The following ZSCAN5A variants were observed in gnomAD, a reference collection of about 807,000 sequenced individuals.
ZSCAN5A encodes the protein zinc finger and SCAN domain containing 5A, also known as zinc finger and SCAN domain-containing protein 5A.
ZSCAN5A carries 12 observed loss-of-function variants against 23.7 expected under a neutral mutation model. The ratio of observed to expected loss-of-function variants is 0.51; its 90% CI spans 0.32 to 0.82. The LOEUF is 0.82. ZSCAN5A is among the 40% of genes least tolerant of loss of function. The pLI, the probability that ZSCAN5A is intolerant of heterozygous loss-of-function variation, is 0.03. For synonymous variants in ZSCAN5A, 257 were observed against 239.9 expected (o/e 1.07, Z -0.66); for missense variants, 597 against 617.9 (o/e 0.97, Z 0.36).
At chr19:56,338,548 T>C (rs896701378) in intron 2 of ZSCAN5A, 3 of 152,200 alleles carry the variant, frequency 2.0e-5, no homozygotes, top group African/African-American at 7.2e-5. Context: ...CGGGTTACTT[T>C]CCAGGAAGAC....
At chr19:56,360,150 G>A (rs2041725785) in intron 2 of ZSCAN5A, among the ~76,000 whole-genome samples, 1 of 152,208 alleles carries the variant, frequency 6.6e-6, no homozygotes, top group Non-Finnish European at 1.5e-5. Flanking sequence ...GTTTGCAGAT[G>A]ACATGATGCT....
chr19:56,313,599 T>C (rs1348430479), intron 1 of ZSCAN5A, among the ~76,000 whole-genome samples: 1 of 152,236 alleles, frequency 6.6e-6, no homozygotes, highest in African/African-American at 2.4e-5. Flanking sequence ...TATTTTATTT[T>C]GGTGGAACCC....
At position 56,321,461 on chromosome 19, in the gene ZSCAN5A, C is replaced by A. The variant is rs181477040; in HGVS notation, c.-357-5193G>T. The A allele has an allele frequency of 1.3e-4, 88 of 685,730 alleles. No individual in the cohort carries two copies. In the East Asian group the frequency reaches 1.8e-3, roughly 14 times the overall value. The allele number at this position is 685,730 out of a possible 1,614,324, so 42.5% of individuals were successfully genotyped here. On this transcript the variant is annotated intron_variant, in intron 2 of 6. Transcript: ENST00000587340. ...CCAACGGCATTGATAACACACTTGGCTTTCATGTCAAATTCCTGCCCTGTG... is the reference window on the plus strand; with the variant it reads ...CCAACGGCATTGATAACACACTTGGATTTCATGTCAAATTCCTGCCCTGTG...
At chr19:56,330,819 A>G (rs896629038) in intron 2 of ZSCAN5A, among the ~76,000 whole-genome samples, 1 of 150,804 alleles carries the variant, frequency 6.6e-6, no homozygotes, top group Non-Finnish European at 1.5e-5. Flanking sequence ...GTGTAATTAG[A>G]TCCAATTTGT....
intron 2 of ZSCAN5A, among the ~76,000 whole-genome samples, chr19:56,258,362 G>C (rs2146825378): frequency 6.6e-6 from 1 of 152,282 alleles, no homozygotes; most frequent in South Asian, 2.1e-4. Flanking sequence ...CCTTGTCCTT[G>C]AAGGTCTCAC....
At chr19:56,345,869 A>G (rs1291609309) in intron 2 of ZSCAN5A, among the ~76,000 whole-genome samples, 1 of 152,238 alleles carries the variant, frequency 6.6e-6, no homozygotes, top group East Asian at 1.9e-4. Context: ...CTTTGTTGTG[A>G]TAACTATTTT....
At chr19:56,331,822 G>C (rs969844582) in intron 2 of ZSCAN5A, among the ~76,000 whole-genome samples, 1 of 151,982 alleles carries the variant, frequency 6.6e-6, no homozygotes, top group South Asian at 2.1e-4. Flanking sequence ...CTGACCTCAG[G>C]TGGTCCACCC....
Position 56,330,782 on chromosome 19 carries a change from G to A in ZSCAN5A, c.-357-14514C>T, listed in dbSNP as rs569170149. 3.0e-4 allele frequency among the ~76,000 whole-genome samples: 45 copies of A among 152,154 alleles called. 2 individuals carry two copies. In the South Asian group the frequency reaches 8.9e-3, roughly 30 times the overall value. ...TTTTCTCCCATTCTATAGGTGGTCT[G>A]TTACTCTGTTATTAGTTTCGTTTGC... On this transcript the variant is annotated intron_variant, in intron 2 of 6. Transcript: ENST00000587340.
At chr19:56,250,022 G>A (rs1173767353) in intron 2 of ZSCAN5A, among the ~76,000 whole-genome samples, 3 of 152,100 alleles carry the variant, frequency 2.0e-5, no homozygotes, top group African/African-American at 7.2e-5. Context: ...GTGACACCTC[G>A]GTTCTTGTCT....
At chr19:56,300,414 G>T (rs886196449) in intron 2 of ZSCAN5A, among the ~76,000 whole-genome samples, 2 of 152,162 alleles carry the variant, frequency 1.3e-5, no homozygotes, top group African/African-American at 4.8e-5. Context: ...CTTAATCCAA[G>T]GGAAAAATAA....
intron 2 of ZSCAN5A, among the ~76,000 whole-genome samples, chr19:56,333,238 T>C (rs1207006544): frequency 1.3e-5 from 2 of 152,150 alleles, no homozygotes; most frequent in Non-Finnish European, 2.9e-5. Context: ...CTTAAATTAT[T>C]CTCTCAAATA....
intron 2 of ZSCAN5A, among the ~76,000 whole-genome samples, chr19:56,235,441 T>C (rs2034826992): frequency 1.4e-5 from 1 of 69,048 alleles, no homozygotes; most frequent in African/African-American, 6.2e-5. Flanking sequence ...CTCCAGCCTC[T>C]GATGGACGGT....
chr19:56,301,517 G>A (rs6509988), intron 2 of ZSCAN5A, among the ~76,000 whole-genome samples: 91,873 of 151,956 alleles, frequency 0.6, 28,950 homozygotes, highest in African/African-American at 0.78. Context: ...CTTCTTTACC[G>A]CAACCTGTTT....
intron 2 of ZSCAN5A, chr19:56,263,178 C>T (rs1039618497): frequency 6.6e-6 from 1 of 152,152 alleles, no homozygotes; most frequent in African/African-American, 2.4e-5. Flanking sequence ...TGCCCACATA[C>T]TCAACATTTA....
intron 2 of ZSCAN5A, among the ~76,000 whole-genome samples, chr19:56,231,996 C>CTTTTTTTTCTT: frequency 8.0e-6 from 1 of 124,976 alleles, no homozygotes; most frequent in African/African-American, 3.0e-5. Context: ...TTTTTCTTTT[C>CTTTTTTTTCTT]TTTTTTTTTG....
intron 2 of ZSCAN5A, chr19:56,312,191 G>A (rs914275140): frequency 6.6e-6 from 1 of 152,130 alleles, no homozygotes; most frequent in Non-Finnish European, 1.5e-5. Flanking sequence ...ATCTCAATTT[G>A]AATGCTAAAA....
At chr19:56,245,740 G>A (rs2035833778) in intron 2 of ZSCAN5A, among the ~76,000 whole-genome samples, 2 of 152,218 alleles carry the variant, frequency 1.3e-5, no homozygotes, top group Admixed American at 1.3e-4. Flanking sequence ...GACATTTAAT[G>A]TCATAATTCA....
chr19:56,329,410 A>C (rs1254216646), intron 2 of ZSCAN5A, among the ~76,000 whole-genome samples: 1 of 152,076 alleles, frequency 6.6e-6, no homozygotes, highest in Non-Finnish European at 1.5e-5. Context: ...ATGAAGTTAC[A>C]ACTTACCAGA....
intron 2 of ZSCAN5A, among the ~76,000 whole-genome samples, chr19:56,342,205 C>G (rs1446718722): frequency 6.6e-6 from 1 of 151,554 alleles, no homozygotes; most frequent in African/African-American, 2.4e-5. Flanking sequence ...CTGGTTTGTT[C>G]TAAATATCAC....
Sources: allele counts gnomAD v4.1 joint callset (sites outside exome capture counted in the v4.1 genomes callset), GRCh38; gene constraint gnomAD v4.1.1; transcripts MANE v1.5; gene names NCBI Gene and HGNC (gene_info 2026-07-23, HGNC 2026-07-21).